Variants in NOL4 observed in about 807,000 individuals in gnomAD.
NOL4 encodes cancer/testis antigen 125.
A neutral mutation model predicts 75.9 loss-of-function variants in NOL4; 17 were observed. The ratio of observed to expected loss-of-function variants is 0.22; its 90% CI spans 0.15 to 0.34. NOL4 has a LOEUF of 0.34. Ranked by LOEUF, NOL4 falls within the 10% of genes least tolerant of loss-of-function variation. NOL4 has a pLI of 1.00. For missense variants in NOL4, 614 were observed against 793.5 expected, an observed-to-expected ratio of 0.77 and a Z score of 2.72; for synonymous variants, 292 against 289.9, an observed-to-expected ratio of 1.01 and a Z score of -0.07.
chr18:34,105,962 A>G (rs2079256975), intron 2 of NOL4, among the ~76,000 whole-genome samples: 1 of 152,058 alleles, frequency 6.6e-6, no homozygotes, highest in Admixed American at 6.6e-5. Context: ...TGTGAAACTG[A>G]TAGATAGTTG....
chr18:33,943,857 T>C lies in NOL4; in HGVS notation c.1429-679A>G, dbSNP rs186489336. Among the ~76,000 whole-genome samples the C allele has an allele frequency of 5.3e-5, 8 of 152,016 alleles. No homozygotes were observed. The East Asian group carries it at 1.6e-3, about 30-fold the overall frequency. ...GGGACGTGTTGAAATCCATCTTCTA[T>C]GTAGCCCACATAGAAAGAATTAATT... On this transcript the variant is annotated intron_variant, in intron 8 of 10. Coordinates refer to ENST00000261592, the MANE Select transcript of NOL4 (RefSeq NM_003787.5).
intron 5 of NOL4, among the ~76,000 whole-genome samples, chr18:34,069,789 T>G (rs539724593): frequency 3.9e-5 from 6 of 152,244 alleles, no homozygotes; most frequent in Non-Finnish European, 8.8e-5. Context: ...GACCACTATC[T>G]CTAGCAACCA....
At chr18:33,983,337 G>A (rs565827680) in intron 6 of NOL4, among the ~76,000 whole-genome samples, 9 of 152,190 alleles carry the variant, frequency 5.9e-5, no homozygotes, top group Admixed American at 1.3e-4. Context: ...TGGACTTTAA[G>A]TGATGATAAC....
intron 5 of NOL4, among the ~76,000 whole-genome samples, chr18:34,034,023 T>A (rs2075767662): frequency 6.6e-6 from 1 of 152,102 alleles, no homozygotes; most frequent in African/African-American, 2.4e-5. Flanking sequence ...CACTAGACTC[T>A]CCCTACGAGA....
intron 9 of NOL4, among the ~76,000 whole-genome samples, chr18:33,889,557 T>C (rs2064973933): frequency 6.6e-6 from 1 of 152,096 alleles, no homozygotes; most frequent in Non-Finnish European, 1.5e-5. Context: ...ATCATCCTAA[T>C]ACCAAAGCCT....
rs768574462 is a variant in NOL4, at chr18:33,859,637, G to A, written c.1724-6602C>T. Among the ~76,000 whole-genome samples, 50 of 152,114 alleles carry A rather than the reference G, an allele frequency of 3.3e-4. 1 individual carries two copies. Among genetic ancestry groups the A allele is most frequent in the Middle Eastern group, 3.2e-3 (1 of 316 alleles). ...TTCTTATACTGCTATAAATACCAGA[G>A]GCCAGGCATAGTGGCTTACGCCTAT... On this transcript the variant is annotated intron_variant, in intron 10 of 10. Transcript: ENST00000261592.
chr18:34,207,919 C>T (rs934355232), intron 1 of NOL4, among the ~76,000 whole-genome samples: 5 of 152,190 alleles, frequency 3.3e-5, no homozygotes, highest in African/African-American at 1.2e-4. Context: ...AGTGCAGCTC[C>T]ATGAGCAGGG....
At chr18:34,199,746 G>A (rs1331151985) in intron 1 of NOL4, among the ~76,000 whole-genome samples, 1 of 151,768 alleles carries the variant, frequency 6.6e-6, no homozygotes, top group East Asian at 1.9e-4. Flanking sequence ...ATGGCATAAG[G>A]TTAGAAAAAA....
At chr18:34,070,025 C>T (rs985606466) in intron 5 of NOL4, among the ~76,000 whole-genome samples, 2 of 152,040 alleles carry the variant, frequency 1.3e-5, no homozygotes, top group South Asian at 2.1e-4. Context: ...TGTAGCCTTG[C>T]CTTGTTTTGT....
chr18:34,001,116 G>T (rs568672012), intron 6 of NOL4, among the ~76,000 whole-genome samples: 1 of 152,250 alleles, frequency 6.6e-6, no homozygotes, highest in African/African-American at 2.4e-5. Context: ...CAGTCTCAGT[G>T]TAAGAGTGAT....
intron 5 of NOL4, among the ~76,000 whole-genome samples, chr18:34,044,714 T>C (rs1289371054): frequency 6.6e-6 from 1 of 152,216 alleles, no homozygotes; most frequent in African/African-American, 2.4e-5. Flanking sequence ...ATGCAATATA[T>C]GCTTTTAAAG....
At chr18:34,161,075 C>G (rs2031396290) in intron 1 of NOL4, among the ~76,000 whole-genome samples, 1 of 152,106 alleles carries the variant, frequency 6.6e-6, no homozygotes, top group Non-Finnish European at 1.5e-5. Context: ...TGGTATTTAT[C>G]TTTTTGTGCG....
At chr18:33,872,143 C>T (rs557288492) in intron 10 of NOL4, among the ~76,000 whole-genome samples, 154 of 151,980 alleles carry the variant, frequency 1.0e-3, no homozygotes, top group African/African-American at 3.5e-3. Flanking sequence ...AATCTGGAAA[C>T]AAAGAATAAG....
Position 34,122,364 on chromosome 18 carries a change from G to A in NOL4, c.414+7507C>T, listed in dbSNP as rs74949043. Among the ~76,000 whole-genome samples, 1,137 of 152,076 alleles carry A rather than the reference G, an allele frequency of 7.5e-3. 14 individuals are homozygous for A. Among genetic ancestry groups the A allele is most frequent in the African/African-American group, 0.025 (1,045 of 41,470 alleles). On this transcript the variant is annotated intron_variant, in intron 2 of 10. Coordinates refer to ENST00000261592, the MANE Select transcript of NOL4 (RefSeq NM_003787.5). The stretch of plus-strand genomic sequence containing the variant: ...AAATCATAAATGAAGACATGGGTGG[G>A]TGTTATCCATAGGTCACTAAGGAGA...
chr18:34,053,818 C>T (rs1039453241), intron 5 of NOL4, among the ~76,000 whole-genome samples: 1 of 151,776 alleles, frequency 6.6e-6, no homozygotes, highest in Admixed American at 6.6e-5. Flanking sequence ...ATTCAATACT[C>T]TATTATAAAT....
chr18:34,056,171 A>C (rs1310741722), intron 5 of NOL4, among the ~76,000 whole-genome samples: 3 of 152,110 alleles, frequency 2.0e-5, no homozygotes, highest in Non-Finnish European at 4.4e-5. Context: ...ACATTTCATC[A>C]AGCCACATTT....
chr18:34,000,791 C>T (rs1356568774), intron 6 of NOL4, among the ~76,000 whole-genome samples: 2 of 152,110 alleles, frequency 1.3e-5, no homozygotes, highest in Non-Finnish European at 2.9e-5. Flanking sequence ...TAAAATACCT[C>T]AGTGCCTGGA....
At chr18:34,001,832 GTT>G (rs1283686564) in intron 6 of NOL4, 1 of 152,406 alleles carries the variant, frequency 6.6e-6, no homozygotes, top group Non-Finnish European at 1.5e-5. Flanking sequence ...TGGAACTCAG[GTT>G]TCACCATAGA....
At chr18:34,065,394 C>T (rs1250512837) in intron 5 of NOL4, among the ~76,000 whole-genome samples, 1 of 151,940 alleles carries the variant, frequency 6.6e-6, no homozygotes, top group Admixed American at 6.6e-5. Flanking sequence ...CGGTTAAATG[C>T]ATCCTCCCTA....
Sources: allele counts gnomAD v4.1 joint callset (sites outside exome capture counted in the v4.1 genomes callset), GRCh38; gene constraint gnomAD v4.1.1; transcripts MANE v1.5; gene names NCBI Gene and HGNC (gene_info 2026-07-23, HGNC 2026-07-21).